RANBP9: variants seen among roughly 807,000 people sequenced by gnomAD.
RANBP9 encodes the protein RAN binding protein 9.
In RANBP9, 15 loss-of-function variants were observed where a neutral mutation model predicts 84.3. The ratio of observed to expected loss-of-function variants is 0.18; its 90% CI spans 0.12 to 0.27. The LOEUF (loss-of-function observed/expected upper bound fraction) is 0.27, where lower values mean the gene tolerates loss of function less well. Ranked by LOEUF, RANBP9 falls within the 10% of genes least tolerant of loss-of-function variation. The pLI, the probability that RANBP9 is intolerant of heterozygous loss-of-function variation, is 1.00. For synonymous variants in RANBP9, 392 were observed against 349.6 expected, an observed-to-expected ratio of 1.12 and a Z score of -1.35; for missense variants, 809 against 912.8, an observed-to-expected ratio of 0.89 and a Z score of 1.46.
intron 2 of RANBP9, among the ~76,000 whole-genome samples, chr6:13,691,845 T>C (rs1388338650): frequency 6.6e-6 from 1 of 152,272 alleles, no homozygotes; most frequent in East Asian, 1.9e-4. Context: ...TTTTGTATTT[T>C]TAGTAGAGAC....
intron 11 of RANBP9, 94 bp downstream of exon 11, chr6:13,634,337 G>T: frequency 7.0e-7 from 1 of 1,429,168 alleles, no homozygotes; most frequent in Non-Finnish European, 9.5e-7. Context: ...CTTTAAATCT[G>T]GTTTATGCTC....
chr6:13,698,325 G>T (rs549537723), intron 1 of RANBP9, among the ~76,000 whole-genome samples: 19 of 152,282 alleles, frequency 1.2e-4, no homozygotes, highest in African/African-American at 4.6e-4. Flanking sequence ...TTCAACATAT[G>T]ATGCAGGTAA....
chr6:13,625,587 A>G, intron 13 of RANBP9, 66 bp downstream of exon 13: 2 of 1,174,134 alleles, frequency 1.7e-6, no homozygotes, highest in Non-Finnish European at 2.5e-6. Flanking sequence ...AAATGCCAGT[A>G]CAAACACCCT....
At position 13,710,937 on chromosome 6, in the gene RANBP9, T is replaced by C; in HGVS notation, c.569A>G (p.Lys190Arg). The stretch of plus-strand genomic sequence containing the variant: ...ACCGCAGGACACACGCCCAGTACCT[T>C]TGTAGTGCACCCGCAGGTTGTTCTG... ...LSQNNLRVHY[K>R]GHGKTPKDAA... is the part of the protein sequence containing the mutation. Residue 190 changes from lysine (K) to arginine (R), a missense_variant and splice_region_variant, in exon 1 of 14, where the codon AAA (lysine) becomes AGA (arginine). Lys to Arg is a conservative substitution (Grantham distance 26). This residue lies in a region of RANBP9 where 56 missense variants were observed against 88.2 expected (regional missense o/e 0.63). Transcript: ENST00000011619. 1 of 1,604,744 alleles carries C rather than the reference T, an allele frequency of 6.2e-7. No individual in the cohort carries two copies. The highest frequency in any genetic ancestry group is 8.5e-7 in the Non-Finnish European group (1 of 1,175,924).
At chr6:13,628,283 T>C (rs1227261446) in intron 12 of RANBP9, among the ~76,000 whole-genome samples, 1 of 152,188 alleles carries the variant, frequency 6.6e-6, no homozygotes, top group Non-Finnish European at 1.5e-5. Flanking sequence ...AGCTGTCAGA[T>C]ATTGAGGATA....
chr6:13,646,888 A>G (rs1016922035), intron 5 of RANBP9, among the ~76,000 whole-genome samples: 9 of 152,220 alleles, frequency 5.9e-5, no homozygotes, highest in African/African-American at 2.2e-4. Flanking sequence ...AATAAAAATG[A>G]CAACACATAA....
rs6459031 is a variant in RANBP9, at chr6:13,694,894, G to C, written c.683+1891C>G. On this transcript the variant is annotated intron_variant, in intron 2 of 13. Coordinates refer to ENST00000011619, the MANE Select transcript of RANBP9 (RefSeq NM_005493.3). ...ATCTGCAGTTTCAAGCATCCACAAAGGGTCTTGCAATGTATCCCCCACAGA... is the reference window on the plus strand; with the variant it reads ...ATCTGCAGTTTCAAGCATCCACAAACGGTCTTGCAATGTATCCCCCACAGA... 3.3e-3 allele frequency among the ~76,000 whole-genome samples: 505 copies of C among 152,206 alleles called. 2 individuals are homozygous for C. Among genetic ancestry groups the C allele is most frequent in the African/African-American group, 0.012 (491 of 41,502 alleles).
chr6:13,634,830 T>G lies in RANBP9; in HGVS notation c.1674-278A>C, dbSNP rs147080671. ...TTACATCAATATGGAGAAATCATACTTCCACACAATCCTATTATTTTTCAA... is the reference window on the plus strand; with the variant it reads ...TTACATCAATATGGAGAAATCATACGTCCACACAATCCTATTATTTTTCAA... On this transcript the variant is annotated intron_variant, in intron 10 of 13. Coordinates refer to ENST00000011619, the MANE Select transcript of RANBP9 (RefSeq NM_005493.3). Among the ~76,000 whole-genome samples, 22 of 152,294 alleles carry G rather than the reference T, an allele frequency of 1.4e-4. No homozygotes were observed. The East Asian group carries it at 3.9e-3, about 27-fold the overall frequency.
chr6:13,634,861 G>T (rs984994536), intron 10 of RANBP9, among the ~76,000 whole-genome samples: 1 of 151,962 alleles, frequency 6.6e-6, no homozygotes, highest in African/African-American at 2.4e-5. Context: ...TTCAAATTCA[G>T]ATCTGTACGT....
rs1765399687 is a variant in RANBP9 at position 13,656,298 on chromosome 6, A to G, written c.904+811T>C. Among the ~76,000 whole-genome samples the G allele has an allele frequency of 2.0e-5, 3 of 152,158 alleles. No individual in the cohort carries two copies. In the South Asian group the frequency reaches 6.2e-4, roughly 32 times the overall value. ...TTCCTTTCATTTTACCTCATTAAAA[A>G]TAATTTGCTTTGAGTCAAAGATTTT... On this transcript the variant is annotated intron_variant, in intron 4 of 13. Transcript: ENST00000011619.
intron 11 of RANBP9, chr6:13,632,903 T>C (rs1764832531): frequency 6.3e-6 from 1 of 158,102 alleles, no homozygotes; most frequent in South Asian, 1.9e-4. Flanking sequence ...ACTGACGTAG[T>C]AGAGATGTAA....
At chr6:13,638,216 T>C (rs1216311841) in intron 9 of RANBP9, among the ~76,000 whole-genome samples, 1 of 152,132 alleles carries the variant, frequency 6.6e-6, no homozygotes, top group Non-Finnish European at 1.5e-5. Context: ...GGCAATATTA[T>C]GATCATCCCC....
At chr6:13,660,228 G>C (rs966785372) in intron 2 of RANBP9, among the ~76,000 whole-genome samples, 2 of 152,176 alleles carry the variant, frequency 1.3e-5, no homozygotes, top group East Asian at 3.8e-4. Flanking sequence ...CAATCTTTCA[G>C]ATAGGCACAG....
intron 11 of RANBP9, among the ~76,000 whole-genome samples, chr6:13,633,510 T>C (rs1764847932): frequency 6.6e-6 from 1 of 152,230 alleles, no homozygotes; most frequent in South Asian, 2.1e-4. Context: ...GTCGTTATTA[T>C]ACCCATTTTA....
chr6:13,698,167 A>T (rs927613247), intron 1 of RANBP9, among the ~76,000 whole-genome samples: 2 of 152,142 alleles, frequency 1.3e-5, no homozygotes, highest in Non-Finnish European at 2.9e-5. Flanking sequence ...CCACAAAAAA[A>T]TGGAATGAAT....
chr6:13,623,325 A>C (rs1764509342), intron 13 of RANBP9, among the ~76,000 whole-genome samples: 1 of 152,232 alleles, frequency 6.6e-6, no homozygotes, highest in African/African-American at 2.4e-5. Flanking sequence ...ACAAAGGGCA[A>C]AAACAGTTGA....
intron 2 of RANBP9, among the ~76,000 whole-genome samples, chr6:13,689,668 G>A (rs185468236): frequency 1.3e-5 from 2 of 152,232 alleles, no homozygotes; most frequent in East Asian, 3.9e-4. Flanking sequence ...CACTCTTCCT[G>A]TGAGACTATT....
intron 2 of RANBP9, among the ~76,000 whole-genome samples, chr6:13,661,148 G>A (rs556374874): frequency 6.6e-6 from 1 of 152,354 alleles, no homozygotes; most frequent in South Asian, 2.1e-4. Context: ...TGTTGCCTAA[G>A]CTAGAGCTTA....
At chr6:13,630,843 A>G (rs1298280908) in intron 12 of RANBP9, among the ~76,000 whole-genome samples, 1 of 144,882 alleles carries the variant, frequency 6.9e-6, no homozygotes, top group Non-Finnish European at 1.5e-5. Flanking sequence ...TCATTTTTCT[A>G]TTTTTTTTTT....
Sources: allele counts gnomAD v4.1 joint callset (sites outside exome capture counted in the v4.1 genomes callset), GRCh38; gene constraint gnomAD v4.1.1; regional missense constraint gnomAD v4.1.1; transcripts MANE v1.5; gene names NCBI Gene and HGNC (gene_info 2026-07-23, HGNC 2026-07-21).